RFX3: variants seen among roughly 807,000 people sequenced by gnomAD.
The protein encoded by RFX3 is transcription factor RFX3.
RFX3 carries 14 observed loss-of-function variants against 98.6 expected under a neutral mutation model. The ratio of observed to expected loss-of-function variants is 0.14; its 90% CI spans 0.09 to 0.22. The LOEUF (loss-of-function observed/expected upper bound fraction) is 0.22. Ranked by LOEUF, RFX3 falls within the 10% of genes least tolerant of loss-of-function variation. The probability of loss-of-function intolerance (pLI) is 1.00; values close to 1 mark genes in which losing one functional copy is unlikely to be tolerated. For missense variants in RFX3, 639 were observed against 926.9 expected (o/e 0.69, Z 4.03); for synonymous variants, 383 against 328.4 (o/e 1.17, Z -1.80).
At chr9:3,345,143 C>T (rs1834316419) in intron 3 of RFX3, among the ~76,000 whole-genome samples, 2 of 152,104 alleles carry the variant, frequency 1.3e-5, no homozygotes, top group Non-Finnish European at 2.9e-5. Context: ...GATAAGCTAA[C>T]TGCAGAGAAG....
At position 3,365,264 on chromosome 9, in the gene RFX3, C is replaced by T. The variant is rs972299816; in HGVS notation, c.118-18500G>A. 2.7e-5 allele frequency among the ~76,000 whole-genome samples: 4 copies of T among 147,004 alleles called. No individual in the cohort carries two copies. In the East Asian group the frequency reaches 8.0e-4, roughly 29 times the overall value. Reference sequence around the variant, plus strand: ...GCAGTGAGCCGAGATCACACCATTGCACTCCAGCCTGGTGACAGAGAGACT... The same window carrying T: ...GCAGTGAGCCGAGATCACACCATTGTACTCCAGCCTGGTGACAGAGAGACT... On this transcript the variant is annotated intron_variant, in intron 2 of 16. Transcript: ENST00000617270.
intron 1 of RFX3, among the ~76,000 whole-genome samples, chr9:3,443,255 G>C: frequency 6.6e-6 from 1 of 152,222 alleles, no homozygotes; most frequent in Middle Eastern, 3.4e-3. Flanking sequence ...TTGTTACATA[G>C]GTAAATGTGT....
At chr9:3,299,558 A>C (rs1828399761) in intron 5 of RFX3, among the ~76,000 whole-genome samples, 1 of 151,700 alleles carries the variant, frequency 6.6e-6, no homozygotes, top group African/African-American at 2.4e-5. Flanking sequence ...CCACTGCACA[A>C]TCAACATTTG....
chr9:3,335,639 C>A lies in RFX3; in HGVS notation c.216-5122G>T, dbSNP rs189275883. On this transcript the variant is annotated intron_variant, in intron 3 of 16. Transcript: ENST00000617270. ...CATTTTGTTTGTTCTGTATTGATTA[C>A]CATAGACTAAGTCATGAAAATAATG... Among the ~76,000 whole-genome samples the A allele has an allele frequency of 9.3e-4, 141 of 152,250 alleles. No homozygotes were observed. In the Middle Eastern group the frequency reaches 0.01, roughly 11 times the overall value.
intron 1 of RFX3, among the ~76,000 whole-genome samples, chr9:3,485,230 C>G (rs984641510): frequency 6.6e-6 from 1 of 152,174 alleles, no homozygotes; most frequent in African/African-American, 2.4e-5. Context: ...CCTCCCTGTT[C>G]TATTGGTTTT....
At chr9:3,414,827 T>A (rs533133978) in intron 1 of RFX3, among the ~76,000 whole-genome samples, 66 of 139,428 alleles carry the variant, frequency 4.7e-4, no homozygotes, top group African/African-American at 1.7e-3. Flanking sequence ...TGAGTATATA[T>A]GTATATATGA....
chr9:3,258,904 T>C (rs1028018856), intron 13 of RFX3, among the ~76,000 whole-genome samples: 1 of 151,690 alleles, frequency 6.6e-6, no homozygotes, highest in African/African-American at 2.4e-5. Flanking sequence ...TATTATTATA[T>C]GCTTATACAT....
chr9:3,482,250 C>T (rs1280584973), intron 1 of RFX3, among the ~76,000 whole-genome samples: 1 of 151,310 alleles, frequency 6.6e-6, no homozygotes, highest in Non-Finnish European at 1.5e-5. Context: ...ATGGTATGAC[C>T]CAATTTTCAT....
chr9:3,223,109 T>C lies in RFX3; in HGVS notation c.*1933A>G, dbSNP rs1218708497. The C allele has an allele frequency of 6.6e-6, 1 of 151,854 alleles. No homozygotes were observed. Among genetic ancestry groups the C allele is most frequent in the Non-Finnish European group, 1.5e-5 (1 of 67,930 alleles). The allele number at this position is 151,854 out of a possible 1,614,324, so 9.4% of individuals were successfully genotyped here. ...AATACCACTGGAAAGATAAACATCT[T>C]GGGTTTAATATAGGCCTCATTTGAT... On this transcript the variant is annotated 3_prime_UTR_variant, in exon 17 of 17. Coordinates refer to ENST00000617270, the MANE Select transcript of RFX3 (RefSeq NM_001282116.2).
intron 2 of RFX3, 26 bp from the exon 3 acceptor site, chr9:3,346,790 G>A (rs1384388672): frequency 1.4e-6 from 2 of 1,411,554 alleles, no homozygotes; most frequent in Non-Finnish European, 1.0e-6. Flanking sequence ...TAGGACCTTG[G>A]TAAGAGGTAG....
At chr9:3,271,184 T>C in intron 9 of RFX3, 66 bp from the exon 10 acceptor site, 1 of 1,366,046 alleles carries the variant, frequency 7.3e-7, no homozygotes, top group South Asian at 1.2e-5. Context: ...GAGGACAGTC[T>C]AACATGACAA....
At chr9:3,416,349 G>A (rs917373563) in intron 1 of RFX3, among the ~76,000 whole-genome samples, 3 of 152,126 alleles carry the variant, frequency 2.0e-5, no homozygotes, top group Admixed American at 1.3e-4. Flanking sequence ...GATTACTAGA[G>A]TTCAAATCCA....
chr9:3,290,939 G>C (rs1489294008), intron 6 of RFX3, among the ~76,000 whole-genome samples: 1 of 152,152 alleles, frequency 6.6e-6, no homozygotes, highest in East Asian at 1.9e-4. Flanking sequence ...TCTGAAGCAG[G>C]CCATAAAACC....
chr9:3,499,193 G>T (rs1357200234), intron 1 of RFX3, among the ~76,000 whole-genome samples: 2 of 151,888 alleles, frequency 1.3e-5, no homozygotes, highest in African/African-American at 2.4e-5. Context: ...TCTCCTAAAA[G>T]GTCATAATGG....
At chr9:3,410,161 C>CTGTGTGTGTGTGTGTGTGTG (rs555349379) in intron 1 of RFX3, among the ~76,000 whole-genome samples, 1,379 of 114,064 alleles carry the variant, frequency 0.012, 57 homozygotes, top group East Asian at 0.04. Flanking sequence ...GTGAGATAAA[C>CTGTGTGTGTGTGTGTGTGTG]TGTGTGTGTG....
intron 2 of RFX3, among the ~76,000 whole-genome samples, chr9:3,384,589 C>T (rs906473380): frequency 1.3e-5 from 2 of 152,168 alleles, no homozygotes; most frequent in Non-Finnish European, 1.5e-5. Context: ...TAATAAGATG[C>T]TCAGTAGATT....
intron 3 of RFX3, among the ~76,000 whole-genome samples, chr9:3,339,206 A>C (rs1314927674): frequency 6.6e-6 from 1 of 152,178 alleles, no homozygotes; most frequent in Non-Finnish European, 1.5e-5. Context: ...AACATTACCA[A>C]AATTTCCAGT....
At chr9:3,226,250 C>T (rs972636923) in intron 16 of RFX3, among the ~76,000 whole-genome samples, 3 of 152,162 alleles carry the variant, frequency 2.0e-5, no homozygotes, top group African/African-American at 4.8e-5. Context: ...TCTCTTTAGT[C>T]AGATTAAGCT....
intron 1 of RFX3, among the ~76,000 whole-genome samples, chr9:3,435,268 A>G (rs1209407715): frequency 6.6e-6 from 1 of 152,036 alleles, no homozygotes; most frequent in African/African-American, 2.4e-5. Flanking sequence ...TACTTTATAA[A>G]CTTTTTAATT....
Sources: allele counts gnomAD v4.1 joint callset (sites outside exome capture counted in the v4.1 genomes callset), GRCh38; gene constraint gnomAD v4.1.1; transcripts MANE v1.5; gene names NCBI Gene and HGNC (gene_info 2026-07-23, HGNC 2026-07-21).